Variants in ROR2 observed in about 807,000 individuals in gnomAD.
The protein encoded by ROR2 is ROR family WNT receptor 2, also known as tyrosine-protein kinase transmembrane receptor ROR2.
In ROR2, 33 loss-of-function variants were observed where a neutral mutation model predicts 74.9. That is an observed-to-expected ratio of 0.44 (90% CI 0.33 to 0.59). The LOEUF is 0.59. ROR2 is among the 20% of genes least tolerant of loss of function. The pLI is 0.02. For missense variants in ROR2, 1,216 were observed against 1,313.8 expected, an observed-to-expected ratio of 0.93 and a Z score of 1.15; for synonymous variants, 586 against 558.7, an observed-to-expected ratio of 1.05 and a Z score of -0.69.
chr9:91,725,193 C>T, intron 8 of ROR2, 86 bp from the exon 9 acceptor site: 1 of 1,600,256 alleles, frequency 6.2e-7, no homozygotes, highest in Admixed American at 1.7e-5. Context: ...GAGTGGAGTC[C>T]CTGTGCGGCC....
At chr9:91,803,198 T>TA (rs778334862) in intron 1 of ROR2, among the ~76,000 whole-genome samples, 27 of 152,352 alleles carry the variant, frequency 1.8e-4, no homozygotes, top group Non-Finnish European at 3.7e-4. Flanking sequence ...ACAAATGTGG[T>TA]ATATTCCACA....
intron 1 of ROR2, among the ~76,000 whole-genome samples, chr9:91,877,406 G>GTCT (rs1829986611): frequency 6.6e-6 from 1 of 152,194 alleles, no homozygotes; most frequent in Non-Finnish European, 1.5e-5. Context: ...CCCAATCTAA[G>GTCT]TGGACGGGGA....
At chr9:91,787,244 C>T (rs1236588679) in intron 1 of ROR2, among the ~76,000 whole-genome samples, 1 of 152,226 alleles carries the variant, frequency 6.6e-6, no homozygotes, top group Non-Finnish European at 1.5e-5. Context: ...GGTGTGGTGG[C>T]TCACGCCTGT....
At chr9:91,766,418 C>A (rs1377257159) in intron 2 of ROR2, among the ~76,000 whole-genome samples, 3 of 152,190 alleles carry the variant, frequency 2.0e-5, no homozygotes, top group Non-Finnish European at 4.4e-5. Context: ...ACCTCCCTTG[C>A]ACATTCATAT....
In ROR2 at chr9:91,907,668, G is replaced by T. The variant is rs140586088; in HGVS notation, c.97+42199C>A. ...CCCACTCACTGCAATGTCTACAAAG[G>T]GGGCTGGCTTCCCAAATTCCTGAGA... On this transcript the variant is annotated intron_variant, in intron 1 of 8. Transcript: ENST00000375708. Among the ~76,000 whole-genome samples, 369 of 152,222 alleles carry T rather than the reference G, an allele frequency of 2.4e-3. 1 individual carries two copies. Among genetic ancestry groups the T allele is most frequent in the Admixed American group, 5.8e-3 (89 of 15,292 alleles).
At chr9:91,757,127 T>C (rs1015318075) in intron 3 of ROR2, 145 bp downstream of exon 3, 3 of 1,051,194 alleles carry the variant, frequency 2.9e-6, no homozygotes, top group South Asian at 1.3e-5. Flanking sequence ...CTGGGGCACA[T>C]GGGGAAGGCC....
chr9:91,737,767 CTG>C (rs1159288927), intron 4 of ROR2, among the ~76,000 whole-genome samples: 1 of 152,074 alleles, frequency 6.6e-6, no homozygotes, highest in African/African-American at 2.4e-5. Flanking sequence ...GATAAACAAA[CTG>C]TGGTACATCC....
At chr9:91,861,952 G>A (rs114851174) in intron 1 of ROR2, among the ~76,000 whole-genome samples, 180 of 152,272 alleles carry the variant, frequency 1.2e-3, no homozygotes, top group African/African-American at 4.2e-3. Context: ...ATTTGGAGAT[G>A]GGGCTTTGTG....
intron 1 of ROR2, among the ~76,000 whole-genome samples, chr9:91,813,313 TA>T (rs1774390026): frequency 6.6e-6 from 1 of 152,206 alleles, no homozygotes; most frequent in South Asian, 2.1e-4. Context: ...TGTTTTCCCA[TA>T]ACCTAAACTT....
intron 7 of ROR2, among the ~76,000 whole-genome samples, 168 bp downstream of exon 7, chr9:91,730,742 C>G (rs1837209405): frequency 1.3e-5 from 2 of 152,194 alleles, no homozygotes. Context: ...GCATCAGCCA[C>G]TACGCGTGGC....
At chr9:91,941,287 G>A (rs1204163713) in intron 1 of ROR2, among the ~76,000 whole-genome samples, 4 of 152,108 alleles carry the variant, frequency 2.6e-5, no homozygotes, top group Non-Finnish European at 5.9e-5. Flanking sequence ...GTGAGCCACC[G>A]TGCCCGGCCT....
chr9:91,933,885 T>G (rs962198239), intron 1 of ROR2, among the ~76,000 whole-genome samples: 1 of 152,184 alleles, frequency 6.6e-6, no homozygotes, highest in East Asian at 1.9e-4. Flanking sequence ...GGTAGAGGAC[T>G]TCCTTTGGGG....
chr9:91,807,747 G>A (rs1285409336), intron 1 of ROR2, among the ~76,000 whole-genome samples: 2 of 152,082 alleles, frequency 1.3e-5, no homozygotes, highest in Non-Finnish European at 2.9e-5. Flanking sequence ...AGAAGTCTTC[G>A]TCTATGTTGG....
chr9:91,915,857 T>C (rs1030226187), intron 1 of ROR2, among the ~76,000 whole-genome samples: 6 of 152,220 alleles, frequency 3.9e-5, no homozygotes, highest in African/African-American at 1.4e-4. Context: ...GAATGCTGAT[T>C]AGTGCATTTT....
chr9:91,825,910 T>C (rs1480112854), intron 1 of ROR2, among the ~76,000 whole-genome samples: 3 of 152,250 alleles, frequency 2.0e-5, no homozygotes, highest in Non-Finnish European at 4.4e-5. Flanking sequence ...CATCGGCGAA[T>C]AAACCAATGA....
At chr9:91,849,351 T>A (rs1563997895) in intron 1 of ROR2, among the ~76,000 whole-genome samples, 2 of 152,332 alleles carry the variant, frequency 1.3e-5, no homozygotes, top group Admixed American at 1.3e-4. Context: ...AACTGCCACA[T>A]GGAAAATATC....
rs145495152 is a variant in ROR2 at position 91,790,657 on chromosome 9, T to C, written c.98-14839A>G. 5.9e-5 allele frequency among the ~76,000 whole-genome samples: 9 copies of C among 152,334 alleles called. No individual in the cohort carries two copies. In the East Asian group the frequency reaches 1.7e-3, roughly 29 times the overall value. On this transcript the variant is annotated intron_variant, in intron 1 of 8. Transcript: ENST00000375708. ...TTTACAGTGTACTCCTACTTTCAAC[T>C]GTTAAACAGCCCCAGGCAGGTCCCT...
At chr9:91,798,320 C>T (rs1827247285) in intron 1 of ROR2, among the ~76,000 whole-genome samples, 1 of 127,526 alleles carries the variant, frequency 7.8e-6, no homozygotes, top group African/African-American at 3.3e-5. Context: ...GTGGGTGCGG[C>T]TGACGCCCTG....
In ROR2 at chr9:91,852,503, C is replaced by G. The variant is rs77868440; in HGVS notation, c.98-76685G>C. Among the ~76,000 whole-genome samples, 1,321 of 152,232 alleles carry G rather than the reference C, an allele frequency of 8.7e-3. 21 individuals carry two copies. The highest frequency in any genetic ancestry group is 0.03 in the African/African-American group (1,231 of 41,520). Reference sequence around the variant, plus strand: ...AGGGAGCTGCATTCAAAATATAATACAGGAGGATTTCCTGAAAGAGGTGCG... The same window carrying G: ...AGGGAGCTGCATTCAAAATATAATAGAGGAGGATTTCCTGAAAGAGGTGCG... On this transcript the variant is annotated intron_variant, in intron 1 of 8. Coordinates refer to ENST00000375708, the MANE Select transcript of ROR2 (RefSeq NM_004560.4).
Sources: gnomAD v4.1 joint callset for allele counts (sites outside exome capture counted in the v4.1 genomes callset) on GRCh38, gnomAD v4.1.1 for gene constraint, MANE v1.5 for transcripts, NCBI Gene and HGNC (gene_info 2026-07-23, HGNC 2026-07-21) for gene names.